UNC45B: variants seen among roughly 807,000 people sequenced by gnomAD.
UNC45B encodes unc-45 myosin chaperone B.
UNC45B carries 78 observed loss-of-function variants against 98.7 expected under a neutral mutation model. The observed-to-expected ratio is 0.79, with a 90% CI of 0.66 to 0.95. The LOEUF (loss-of-function observed/expected upper bound fraction) is 0.95. Among genes scored for constraint, UNC45B ranks in the 40% least tolerant of loss-of-function variants. UNC45B has a pLI of 0.00. For synonymous variants in UNC45B, 462 were observed against 480.4 expected, an observed-to-expected ratio of 0.96 and a Z score of 0.50; for missense variants, 1,225 against 1,184.9, an observed-to-expected ratio of 1.03 and a Z score of -0.50.
intron 10 of UNC45B, among the ~76,000 whole-genome samples, chr17:35,168,903 C>T (rs1406323209): frequency 2.0e-5 from 3 of 152,030 alleles, no homozygotes; most frequent in African/African-American, 2.4e-5. Flanking sequence ...GACGGGGTTT[C>T]GCCATGTTGG....
At chr17:35,175,898 C>T in intron 14 of UNC45B, 70 bp from the exon 15 acceptor site, 1 of 1,448,524 alleles carries the variant, frequency 6.9e-7, no homozygotes, top group Non-Finnish European at 9.6e-7. Context: ...GACTGGCTGG[C>T]CTGCTGCTGC....
Position 35,169,865 on chromosome 17 carries a change from G to A in UNC45B, c.1481G>A (p.Gly494Asp). The A allele has an allele frequency of 1.2e-6, 2 of 1,614,174 alleles. No individual in the cohort carries two copies. The highest frequency in any genetic ancestry group is 1.7e-6 in the Non-Finnish European group (2 of 1,180,036). ...CTCTGTAAGCTCGGCTCTGCAGGTG[G>A]CACAGACTACGGTCTCAGGCAGTTT... ...VGLCKLGSAG[G>D]TDYGLRQFAE... Residue 494 changes from glycine (G) to aspartate (D), a missense_variant, in exon 11 of 20, where the codon GGC becomes GAC. Gly to Asp is a moderately conservative substitution (Grantham distance 94). Coordinates refer to ENST00000394570, the MANE Select transcript of UNC45B (RefSeq NM_001267052.2).
intron 17 of UNC45B, among the ~76,000 whole-genome samples, chr17:35,177,849 T>G (rs898594375): frequency 6.6e-6 from 1 of 151,632 alleles, no homozygotes; most frequent in Admixed American, 6.6e-5. Context: ...TGTCTTTTCT[T>G]TTCTCTTCTC....
At chr17:35,176,158 T>A in intron 15 of UNC45B, 124 bp downstream of exon 15, 1 of 934,626 alleles carries the variant, frequency 1.1e-6, no homozygotes, top group Non-Finnish European at 1.7e-6. Flanking sequence ...CTGCGCTGTC[T>A]GTGCTCATAG....
intron 18 of UNC45B, among the ~76,000 whole-genome samples, chr17:35,182,321 C>G (rs1487794192): frequency 6.6e-6 from 1 of 152,042 alleles, no homozygotes; most frequent in African/African-American, 2.4e-5. Flanking sequence ...GATCTCCTGA[C>G]CTCGTGGTCT....
Position 35,186,660 on chromosome 17 carries a change from T to A in UNC45B, c.*101T>A. Reference sequence around the variant, plus strand: ...TCAGGTCATCTAGGGATCATAGCAGTGACAATGAAGTCTCAATATAAAGGA... The same window carrying A: ...TCAGGTCATCTAGGGATCATAGCAGAGACAATGAAGTCTCAATATAAAGGA... On this transcript the variant is annotated 3_prime_UTR_variant, in exon 20 of 20. Transcript: ENST00000394570. The A allele has an allele frequency of 7.3e-7, 1 of 1,360,598 alleles. No individual in the cohort carries two copies. The highest frequency in any genetic ancestry group is 1.0e-6 in the Non-Finnish European group (1 of 991,228). 84.3% of individuals were successfully genotyped at this position (1,360,598 alleles called of 1,614,324 possible). A position where few individuals can be genotyped will look rare whatever the true frequency, so the allele number is the denominator to read the frequency against.
At chr17:35,177,413 T>C (rs983312756) in intron 16 of UNC45B, 82 bp from the exon 17 acceptor site, 39 of 1,011,814 alleles carry the variant, frequency 3.9e-5, no homozygotes, top group Admixed American at 1.5e-4. Context: ...CTTTGGAAAC[T>C]TTACAGCTGG....
intron 17 of UNC45B, among the ~76,000 whole-genome samples, chr17:35,179,709 C>CT (rs2142595148): frequency 6.6e-6 from 1 of 151,826 alleles, no homozygotes; most frequent in African/African-American, 2.4e-5. Flanking sequence ...AATGAGAACA[C>CT]ATGGACACAG....
At chr17:35,164,322 T>C in intron 9 of UNC45B, 156 bp downstream of exon 9, 1 of 820,020 alleles carries the variant, frequency 1.2e-6, no homozygotes, top group South Asian at 2.1e-5. Flanking sequence ...TGGCTCTGGC[T>C]TATGGTCTTT....
chr17:35,177,646 T>TG, intron 17 of UNC45B, 36 bp downstream of exon 17: 1 of 1,473,988 alleles, frequency 6.8e-7, no homozygotes, highest in South Asian at 1.2e-5. Flanking sequence ...TGGAGAGAGG[T>TG]GGCTCAAAAA....
At chr17:35,162,695 C>T (rs1189623128) in intron 8 of UNC45B, among the ~76,000 whole-genome samples, 1 of 152,148 alleles carries the variant, frequency 6.6e-6, no homozygotes, top group African/African-American at 2.4e-5. Flanking sequence ...GTTCTCCTGC[C>T]TCAGTCTCCC....
At chr17:35,183,603 T>C in intron 19 of UNC45B, 21 bp downstream of exon 19, 3 of 1,495,520 alleles carry the variant, frequency 2.0e-6, no homozygotes, top group Non-Finnish European at 2.7e-6. Flanking sequence ...GCCCTGGGGA[T>C]AGGACGGGCT....
At position 35,150,037 on chromosome 17, in the gene UNC45B, C is replaced by T. The variant is rs1283285999; in HGVS notation, c.206-11C>T. On this transcript the variant is annotated splice_polypyrimidine_tract_variant and intron_variant, in intron 3 of 19. Coordinates refer to ENST00000394570, the MANE Select transcript of UNC45B (RefSeq NM_001267052.2). ...TCCCTAAGGTCCTCATCCCCCGTCT[C>T]CCCTCGATAGCCATCGACATCAACT... 6.3e-7 allele frequency: 1 copy of T among 1,587,564 alleles called. No homozygotes were observed. The highest frequency in any genetic ancestry group is 1.7e-5 in the Admixed American group (1 of 57,886).
chr17:35,171,060 A>G (rs1196252113), intron 12 of UNC45B, among the ~76,000 whole-genome samples: 1 of 152,180 alleles, frequency 6.6e-6, no homozygotes, highest in Non-Finnish European at 1.5e-5. Context: ...GGCTTGTGGA[A>G]GAGGCGCAAA....
At chr17:35,171,290 G>A (rs2092183757) in intron 12 of UNC45B, 32 bp from the exon 13 acceptor site, 5 of 1,605,558 alleles carry the variant, frequency 3.1e-6, no homozygotes, top group Non-Finnish European at 3.4e-6. Context: ...TTTCCTTTCT[G>A]CTTTCCCTCT....
chr17:35,173,712 G>T (rs896540103), intron 13 of UNC45B, among the ~76,000 whole-genome samples: 6 of 151,912 alleles, frequency 3.9e-5, no homozygotes, highest in African/African-American at 7.3e-5. Context: ...CAGAAATCTA[G>T]GCTTACCCCC....
At chr17:35,176,966 A>G (rs2142585233) in intron 15 of UNC45B, 51 bp from the exon 16 acceptor site, 1 of 1,474,116 alleles carries the variant, frequency 6.8e-7, no homozygotes, top group South Asian at 1.2e-5. Context: ...AGGATAGGCG[A>G]GAAGCCTCTG....
At chr17:35,150,902 G>T (rs1312095808) in intron 4 of UNC45B, among the ~76,000 whole-genome samples, 1 of 152,054 alleles carries the variant, frequency 6.6e-6, no homozygotes, top group South Asian at 2.1e-4. Context: ...GGAGAGCCAG[G>T]CCCCATTAGG....
intron 8 of UNC45B, 125 bp downstream of exon 8, chr17:35,159,670 A>C: frequency 1.8e-6 from 2 of 1,124,504 alleles, no homozygotes; most frequent in Non-Finnish European, 2.5e-6. Context: ...AGATGAGAAA[A>C]GGCATTGGCC....
Sources: allele counts gnomAD v4.1 joint callset (sites outside exome capture counted in the v4.1 genomes callset), GRCh38; gene constraint gnomAD v4.1.1; transcripts MANE v1.5; gene names NCBI Gene and HGNC (gene_info 2026-07-23, HGNC 2026-07-21).